The following ZNF148 variants were observed in gnomAD, a reference collection of about 807,000 sequenced individuals.
The protein encoded by ZNF148 is Beta-Enolase Repressor Factor-1.
ZNF148 carries 7 observed loss-of-function variants against 67.7 expected under a neutral mutation model. The observed-to-expected ratio is 0.10, with a 90% CI of 0.06 to 0.19. The LOEUF (loss-of-function observed/expected upper bound fraction) is 0.19, where lower values mean the gene tolerates loss of function less well. Ranked by LOEUF, ZNF148 falls within the 10% of genes least tolerant of loss-of-function variation. The pLI, the probability that ZNF148 is intolerant of heterozygous loss-of-function variation, is 1.00. For missense variants in ZNF148, 583 were observed against 947.1 expected, an observed-to-expected ratio of 0.62 and a Z score of 5.05; for synonymous variants, 333 against 330.7, an observed-to-expected ratio of 1.01 and a Z score of -0.08.
chr3:125,344,165 C>T (rs945370551), intron 1 of ZNF148: 3 of 291,148 alleles, frequency 1.0e-5, no homozygotes, highest in South Asian at 7.2e-5. Context: ...TCTATTCCTT[C>T]CTGACCATTC....
intron 1 of ZNF148, among the ~76,000 whole-genome samples, chr3:125,335,727 G>C (rs770079950): frequency 6.6e-6 from 1 of 152,116 alleles, no homozygotes; most frequent in Non-Finnish European, 1.5e-5. Flanking sequence ...AGCTTCTTTC[G>C]TATTTTCAAA....
chr3:125,241,877 A>G (rs1488829816), intron 7 of ZNF148, among the ~76,000 whole-genome samples: 1 of 152,236 alleles, frequency 6.6e-6, no homozygotes, highest in Non-Finnish European at 1.5e-5. Flanking sequence ...CATACCAGCC[A>G]TGGATGTGTT....
At chr3:125,273,343 G>A (rs1937860045) in intron 7 of ZNF148, among the ~76,000 whole-genome samples, 1 of 152,088 alleles carries the variant, frequency 6.6e-6, no homozygotes, top group African/African-American at 2.4e-5. Context: ...TTAGATGACA[G>A]GTTTTCCAGT....
intron 1 of ZNF148, among the ~76,000 whole-genome samples, chr3:125,369,804 C>T (rs1173462096): frequency 1.3e-5 from 2 of 151,938 alleles, no homozygotes; most frequent in Admixed American, 6.6e-5. Flanking sequence ...GGTGAAACCC[C>T]ACCTCTACTA....
chr3:125,344,540 G>C (rs954496932), intron 1 of ZNF148: 3 of 1,100,338 alleles, frequency 2.7e-6, no homozygotes, highest in Non-Finnish European at 4.2e-6. Context: ...AACTCAAATG[G>C]ACTGTCAAAA....
At chr3:125,301,822 G>A (rs908672596) in intron 4 of ZNF148, among the ~76,000 whole-genome samples, 40 of 152,254 alleles carry the variant, frequency 2.6e-4, no homozygotes, top group African/African-American at 8.9e-4. Context: ...CCACCACTCT[G>A]GGAGGCCGAG....
At chr3:125,252,636 C>A (rs542344525) in intron 7 of ZNF148, among the ~76,000 whole-genome samples, 1 of 151,872 alleles carries the variant, frequency 6.6e-6, no homozygotes, top group Admixed American at 6.6e-5. Context: ...GGGGTGGTGG[C>A]GCATGCCTGT....
chr3:125,252,298 TC>T (rs1488284811), intron 7 of ZNF148, among the ~76,000 whole-genome samples: 1 of 152,124 alleles, frequency 6.6e-6, no homozygotes, highest in African/African-American at 2.4e-5. Flanking sequence ...TTTAGGATTT[TC>T]CCCCCATTCC....
In ZNF148 at chr3:125,232,289, C is replaced by T; in HGVS notation, c.*52G>A. ...TCCATTTACACAGAGTAACCCCACT[C>T]TTGATTAATCTGTTCTAAAGTGCCA... On this transcript the variant is annotated 3_prime_UTR_variant, in exon 9 of 9. Transcript: ENST00000360647. This position sits in a 1 kb window ranked among gnomAD's most constrained non-coding sequence, Gnocchi z 4.2. 6.5e-7 allele frequency: 1 copy of T among 1,530,082 alleles called. No homozygotes were observed. Among genetic ancestry groups the T allele is most frequent in the Non-Finnish European group, 8.8e-7 (1 of 1,141,916 alleles). The allele number at this position is 1,530,082 out of a possible 1,614,324, so 94.8% of individuals were successfully genotyped here. A position where few individuals can be genotyped will look rare whatever the true frequency, so the allele number is the denominator to read the frequency against.
intron 1 of ZNF148, among the ~76,000 whole-genome samples, chr3:125,374,281 C>A (rs1021044539): frequency 6.6e-6 from 1 of 152,182 alleles, no homozygotes; most frequent in African/African-American, 2.4e-5. Context: ...CATCCCGGCC[C>A]ATCTGGAATA....
chr3:125,231,777 A>G lies in ZNF148; in HGVS notation c.*564T>C, dbSNP rs1193005958. ...TTTTTTCCTTCAAAAAAACACGTCA[A>G]TATAATGCAAAATGAAAATCAAGGG... is the stretch of plus-strand genomic sequence containing the variant. On this transcript the variant is annotated 3_prime_UTR_variant, in exon 9 of 9. Transcript: ENST00000360647. The G allele has an allele frequency of 2.6e-5, 4 of 152,622 alleles. No individual in the cohort carries two copies. The highest frequency in any genetic ancestry group is 5.9e-5 in the Non-Finnish European group (4 of 68,046). The allele number at this position is 152,622 out of a possible 1,614,324, so 9.5% of individuals were successfully genotyped here.
intron 7 of ZNF148, among the ~76,000 whole-genome samples, chr3:125,248,799 C>T (rs1299439422): frequency 1.3e-5 from 2 of 152,156 alleles, no homozygotes; most frequent in Non-Finnish European, 2.9e-5. Flanking sequence ...GAATTAGTGA[C>T]AAATTCAGCA....
intron 7 of ZNF148, among the ~76,000 whole-genome samples, chr3:125,239,753 G>A (rs1483775081): frequency 1.3e-5 from 2 of 152,090 alleles, no homozygotes; most frequent in East Asian, 1.9e-4. Context: ...AGAGGAAACG[G>A]CCCAAATGTC....
chr3:125,289,685 A>C (rs1938901162), intron 4 of ZNF148, among the ~76,000 whole-genome samples: 1 of 152,208 alleles, frequency 6.6e-6, no homozygotes, highest in African/African-American at 2.4e-5. Flanking sequence ...ATTTTGAAGG[A>C]GTACCAAAAA....
rs1249209883 is a variant in ZNF148, at chr3:125,228,321, A to G, written c.*4020T>C. 2 of 152,624 alleles carry G rather than the reference A, an allele frequency of 1.3e-5. No individual in the cohort carries two copies. The highest frequency in any genetic ancestry group is 2.9e-5 in the Non-Finnish European group (2 of 68,036). 9.5% of individuals were successfully genotyped at this position (152,624 alleles called of 1,614,324 possible). The stretch of plus-strand genomic sequence containing the variant: ...GGCCATTCAATGCTTAGTGAAAGTG[A>G]GTACAGATGAAGTCAGATTTAGCCT... On this transcript the variant is annotated 3_prime_UTR_variant, in exon 9 of 9. Transcript: ENST00000360647.
At chr3:125,237,973 A>G (rs1936169622) in intron 7 of ZNF148, among the ~76,000 whole-genome samples, 1 of 152,236 alleles carries the variant, frequency 6.6e-6, no homozygotes, top group Non-Finnish European at 1.5e-5. Context: ...AGAGTCCAAA[A>G]GTAAATCCTT....
In ZNF148 at chr3:125,233,820, G is replaced by A; in HGVS notation, c.906C>T (p.Gly302=). 3.1e-6 allele frequency: 5 copies of A among 1,613,660 alleles called. No homozygotes were observed. The highest frequency in any genetic ancestry group is 4.2e-6 in the Non-Finnish European group (5 of 1,179,848). Reference sequence around the variant, plus strand: ...AGTTGTCTTTTGGTGATGTAGAAAAGCCAGAATCTTCCTCAGATGTCAGAA... The same window carrying A: ...AGTTGTCTTTTGGTGATGTAGAAAAACCAGAATCTTCCTCAGATGTCAGAA... The part of the protein sequence containing the change: ...GGLLTSEEDS[G]FSTSPKDNSL... The change falls in exon 9 of 9, where the codon GGC becomes GGT. Residue 302 remains glycine, a synonymous_variant. Coordinates refer to ENST00000360647, the MANE Select transcript of ZNF148 (RefSeq NM_021964.3). This position sits in a 1 kb window ranked among gnomAD's most constrained non-coding sequence, Gnocchi z 5.1.
chr3:125,374,635 A>ACCC (rs1275138753), intron 1 of ZNF148, among the ~76,000 whole-genome samples: 1 of 151,370 alleles, frequency 6.6e-6, no homozygotes, highest in Non-Finnish European at 1.5e-5. Flanking sequence ...CTTTTCTCCA[A>ACCC]CCCCTGCCCT....
intron 4 of ZNF148, among the ~76,000 whole-genome samples, chr3:125,302,489 T>C (rs1017482241): frequency 1.3e-5 from 2 of 152,210 alleles, no homozygotes; most frequent in African/African-American, 4.8e-5. Context: ...AAGTAAGGGA[T>C]AGAATTTCTC....
Sources: allele counts gnomAD v4.1 joint callset (sites outside exome capture counted in the v4.1 genomes callset), GRCh38; gene constraint gnomAD v4.1.1; non-coding constraint Gnocchi (gnomAD v3.1); transcripts MANE v1.5; gene names NCBI Gene and HGNC (gene_info 2026-07-23, HGNC 2026-07-21).